The following MAML2 variants were observed in gnomAD, a reference collection of about 807,000 sequenced individuals.
MAML2 encodes the protein mastermind like transcriptional coactivator 2, also known as mastermind-like protein 2.
A neutral mutation model predicts 96.1 loss-of-function variants in MAML2; 22 were observed. That is an observed-to-expected ratio of 0.23 (90% CI 0.16 to 0.33). MAML2 has a LOEUF of 0.33. Ranked by LOEUF, MAML2 falls within the 10% of genes least tolerant of loss-of-function variation. The pLI is 1.00. For missense variants in MAML2, 1,367 were observed against 1,392.4 expected, an observed-to-expected ratio of 0.98 and a Z score of 0.29; for synonymous variants, 561 against 521.3, an observed-to-expected ratio of 1.08 and a Z score of -1.04.
At chr11:96,210,972 T>A (rs1234474890) in intron 1 of MAML2, among the ~76,000 whole-genome samples, 4 of 152,204 alleles carry the variant, frequency 2.6e-5, no homozygotes, top group Non-Finnish European at 5.9e-5. Context: ...ATAAACTACA[T>A]GTGAAGCTGA....
At chr11:96,176,911 T>A (rs1179421434) in intron 1 of MAML2, among the ~76,000 whole-genome samples, 2 of 152,126 alleles carry the variant, frequency 1.3e-5, no homozygotes, top group Non-Finnish European at 2.9e-5. Context: ...AAAGAATGAC[T>A]GAGCACGCTA....
At chr11:96,239,676 G>C (rs1862407154) in intron 1 of MAML2, among the ~76,000 whole-genome samples, 1 of 152,152 alleles carries the variant, frequency 6.6e-6, no homozygotes, top group Admixed American at 6.5e-5. Flanking sequence ...TGTCCACTTG[G>C]AGTTTCCATT....
chr11:96,282,841 A>C (rs1416632513), intron 1 of MAML2, among the ~76,000 whole-genome samples: 5 of 152,204 alleles, frequency 3.3e-5, no homozygotes, highest in Non-Finnish European at 7.4e-5. Context: ...ATGTGACCTC[A>C]GTCATCCTCC....
At chr11:96,319,604 G>T (rs1863676301) in intron 1 of MAML2, among the ~76,000 whole-genome samples, 1 of 152,060 alleles carries the variant, frequency 6.6e-6, no homozygotes, top group Non-Finnish European at 1.5e-5. Flanking sequence ...TCTTGCTATG[G>T]TCTCTTTTGC....
intron 2 of MAML2, among the ~76,000 whole-genome samples, chr11:95,999,158 T>C (rs1858042759): frequency 6.6e-6 from 1 of 152,202 alleles, no homozygotes; most frequent in African/African-American, 2.4e-5. Context: ...TTAAATTTTC[T>C]GGGATAAATA....
rs1250403016 is a variant in MAML2, at chr11:96,092,441, C to T, written c.1590G>A (p.Met530Ile). The T allele has an allele frequency of 6.2e-7, 1 of 1,613,628 alleles. No individual in the cohort carries two copies. The highest frequency in any genetic ancestry group is 1.7e-5 in the Admixed American group (1 of 59,992). The stretch of plus-strand genomic sequence containing the variant: ...GACTGAGATCCTGAGGCTTTTGCTG[C>T]ATGAGGACATCTAGGTGCCCACCCT... The part of the protein sequence containing the change: ...SAQGGHLDVL[M>I]QQKPQDLSRS... Residue 530 changes from methionine (M) to isoleucine (I), a missense_variant, in exon 2 of 5, where the codon ATG becomes ATA. By Grantham distance (10) the Met-to-Ile change is conservative. Coordinates refer to ENST00000524717, the MANE Select transcript of MAML2 (RefSeq NM_032427.4). The surrounding 1 kb of genome is among the most constrained non-coding windows in gnomAD (Gnocchi z 4.1).
intron 2 of MAML2, among the ~76,000 whole-genome samples, chr11:96,013,514 G>C (rs1858296128): frequency 6.6e-6 from 1 of 152,182 alleles, no homozygotes; most frequent in Non-Finnish European, 1.5e-5. Context: ...CCACTCCAAC[G>C]ACCTAGGTGA....
At chr11:96,139,809 C>G (rs1860703287) in intron 1 of MAML2, among the ~76,000 whole-genome samples, 1 of 152,088 alleles carries the variant, frequency 6.6e-6, no homozygotes, top group Non-Finnish European at 1.5e-5. Context: ...ACAAAATACT[C>G]AAGCAAAGGC....
At chr11:96,154,507 G>T (rs1173247925) in intron 1 of MAML2, among the ~76,000 whole-genome samples, 2 of 152,166 alleles carry the variant, frequency 1.3e-5, no homozygotes, top group Non-Finnish European at 2.9e-5. Flanking sequence ...GAACTTGTAG[G>T]CTGTCTTATC....
At chr11:96,031,226 C>G (rs1448997157) in intron 2 of MAML2, among the ~76,000 whole-genome samples, 1 of 152,182 alleles carries the variant, frequency 6.6e-6, no homozygotes, top group Non-Finnish European at 1.5e-5. Flanking sequence ...CTGCATTACA[C>G]GTTTTAATGT....
intron 1 of MAML2, among the ~76,000 whole-genome samples, chr11:96,121,179 C>T (rs1293157752): frequency 1.3e-5 from 2 of 152,194 alleles, no homozygotes; most frequent in African/African-American, 4.8e-5. Context: ...CCGCACCAGC[C>T]TTGAAGAGAA....
In MAML2 at chr11:95,979,580, T is replaced by C. The variant is rs1046339392; in HGVS notation, c.2839A>G (p.Met947Val). The C allele has an allele frequency of 1.2e-6, 2 of 1,613,892 alleles. No individual in the cohort carries two copies. Among genetic ancestry groups the C allele is most frequent in the Non-Finnish European group, 1.7e-6 (2 of 1,179,906 alleles). The part of the protein sequence containing the change: ...RPNLTHSMAS[M>V]PPQRTSNVMI... The stretch of plus-strand genomic sequence containing the variant: ...ACGTTTGATGTTCTCTGTGGTGGCA[T>C]GCTTGCCATACTATGGGTTAAATTT... Residue 947 changes from methionine to valine, a missense_variant, in exon 5 of 5, where the codon ATG (methionine) becomes GTG (valine). Met to Val is a conservative substitution (Grantham distance 21). Transcript: ENST00000524717.
intron 4 of MAML2, among the ~76,000 whole-genome samples, chr11:95,982,329 G>T (rs1857754706): frequency 6.7e-6 from 1 of 148,860 alleles, no homozygotes; most frequent in Non-Finnish European, 1.5e-5. Context: ...TTTAGAAACA[G>T]AGCCTTCTTT....
chr11:96,059,357 T>TA (rs1400068251), intron 2 of MAML2, among the ~76,000 whole-genome samples: 1 of 152,190 alleles, frequency 6.6e-6, no homozygotes. Context: ...AGCAATAGTT[T>TA]AAAAAATCAA....
intron 1 of MAML2, among the ~76,000 whole-genome samples, chr11:96,250,052 G>T (rs1233140878): frequency 6.6e-6 from 1 of 152,000 alleles, no homozygotes. Context: ...CTCTACCTGA[G>T]AACTCGTTAT....
chr11:96,135,735 G>T (rs938577505), intron 1 of MAML2, among the ~76,000 whole-genome samples: 1 of 150,952 alleles, frequency 6.6e-6, no homozygotes, highest in Non-Finnish European at 1.5e-5. Flanking sequence ...CTTCTGGCTC[G>T]CTGCTCAAGG....
At chr11:96,103,714 G>C (rs537288383) in intron 1 of MAML2, among the ~76,000 whole-genome samples, 177 of 152,142 alleles carry the variant, frequency 1.2e-3, no homozygotes, top group African/African-American at 4.1e-3. Flanking sequence ...TTCTTCTTCA[G>C]GCTCCTTCTG....
intron 4 of MAML2, among the ~76,000 whole-genome samples, chr11:95,981,910 A>T (rs1857746071): frequency 6.6e-6 from 1 of 152,190 alleles, no homozygotes. Flanking sequence ...AAGGTTTATA[A>T]GGAAAACAAT....
At position 95,990,490 on chromosome 11, in the gene MAML2, G is replaced by C. The variant is rs75326349; in HGVS notation, c.2343+1030C>G. ...TCTCTTACTCCACTTTCAGATATTC[G>C]GTAGATAGAAAGTTCTTTCTGAAAT... On this transcript the variant is annotated intron_variant, in intron 3 of 4. Coordinates refer to ENST00000524717, the MANE Select transcript of MAML2 (RefSeq NM_032427.4). 2.4e-3 allele frequency among the ~76,000 whole-genome samples: 368 copies of C among 152,170 alleles called. 2 individuals carry two copies. Among genetic ancestry groups the C allele is most frequent in the African/African-American group, 8.6e-3 (358 of 41,504 alleles).
Sources: allele counts gnomAD v4.1 joint callset (sites outside exome capture counted in the v4.1 genomes callset), GRCh38; gene constraint gnomAD v4.1.1; non-coding constraint Gnocchi (gnomAD v3.1); transcripts MANE v1.5; gene names NCBI Gene and HGNC (gene_info 2026-07-23, HGNC 2026-07-21).